Variants in ERGIC3 observed in about 807,000 individuals in gnomAD.
The protein encoded by ERGIC3 is ERGIC and golgi 3.
ERGIC3 carries 33 observed loss-of-function variants against 54.7 expected under a neutral mutation model. The ratio of observed to expected loss-of-function variants is 0.60; its 90% CI spans 0.46 to 0.81. ERGIC3 has a LOEUF of 0.81. ERGIC3 is among the 30% of genes least tolerant of loss of function. The pLI, the probability that ERGIC3 is intolerant of heterozygous loss-of-function variation, is 0.00. For missense variants in ERGIC3, 399 were observed against 488.4 expected (o/e 0.82, Z 1.73); for synonymous variants, 186 against 189.8 (o/e 0.98, Z 0.16).
intron 10 of ERGIC3, 101 bp from the exon 11 acceptor site, chr20:35,556,872 C>T (rs778299918): frequency 6.5e-7 from 1 of 1,540,964 alleles, no homozygotes; most frequent in South Asian, 1.2e-5. Context: ...CCTTACACGG[C>T]CAAGGCTCAA....
intron 7 of ERGIC3, 76 bp downstream of exon 7, chr20:35,548,941 C>T: frequency 6.5e-7 from 1 of 1,546,890 alleles, no homozygotes; most frequent in Non-Finnish European, 8.9e-7. Flanking sequence ...CCTCTTCTGC[C>T]TGCTGCTCAT....
chr20:35,550,131 C>T (rs1485553630), intron 7 of ERGIC3, among the ~76,000 whole-genome samples: 1 of 151,798 alleles, frequency 6.6e-6, no homozygotes, highest in Non-Finnish European at 1.5e-5. Context: ...CAGGGAAAAA[C>T]TCTTTGATGA....
rs1209097292 is a variant in ERGIC3, at chr20:35,548,652, A to G, written c.605A>G (p.Tyr202Cys). ...QEQKNEGCQV[Y>C]GFLEVNKVAG... Reference sequence around the variant, plus strand: ...CAGAAGAATGAAGGCTGCCAGGTGTATGGCTTCTTGGAAGTCAATAAGGTA... The same window carrying G: ...CAGAAGAATGAAGGCTGCCAGGTGTGTGGCTTCTTGGAAGTCAATAAGGTA... Residue 202 changes from tyrosine (Y) to cysteine (C), a missense_variant, in exon 6 of 13, where the codon TAT (tyrosine) becomes TGT (cysteine). Tyr to Cys is a radical substitution (Grantham distance 194, BLOSUM62 -2). Transcript: ENST00000348547. The G allele has an allele frequency of 2.5e-6, 4 of 1,614,242 alleles. No homozygotes were observed. Among genetic ancestry groups the G allele is most frequent in the South Asian group, 1.1e-5 (1 of 91,084 alleles).
rs900332449 is a variant in ERGIC3 at position 35,556,707 on chromosome 20, C to T, written c.880-266C>T. ...CGTCTTTGGAGAGCTGCTTCTCAGC[C>T]TGGACCCCCGTGAGAACACCCACCA... On this transcript the variant is annotated intron_variant, in intron 10 of 12. Transcript: ENST00000348547. 33 of 557,644 alleles carry T rather than the reference C, an allele frequency of 5.9e-5. No homozygotes were observed. The South Asian group carries it at 6.1e-4, about 10-fold the overall frequency. The allele number at this position is 557,644 out of a possible 1,614,324, so 34.5% of individuals were successfully genotyped here. A position where few individuals can be genotyped will look rare whatever the true frequency, so the allele number is the denominator to read the frequency against.
At chr20:35,556,424 C>A in intron 10 of ERGIC3, 153 bp downstream of exon 10, 1 of 813,358 alleles carries the variant, frequency 1.2e-6, no homozygotes. Flanking sequence ...GATTTGCCCT[C>A]CCAGGCAGAG....
intron 4 of ERGIC3, chr20:35,544,468 G>A: frequency 6.5e-6 from 2 of 308,520 alleles, no homozygotes; most frequent in Non-Finnish European, 6.5e-6. Flanking sequence ...ATGATGGCTG[G>A]GACATTGCTC....
intron 7 of ERGIC3, chr20:35,554,226 C>T (rs1205391649): frequency 1.9e-6 from 2 of 1,077,242 alleles, no homozygotes; most frequent in Non-Finnish European, 2.9e-6. Flanking sequence ...GAGGAGGGGC[C>T]CAGAAGGAGG....
At chr20:35,554,270 C>A in intron 7 of ERGIC3, 1 of 1,460,740 alleles carries the variant, frequency 6.8e-7, no homozygotes, top group Non-Finnish European at 9.6e-7. Context: ...GTTGCTGAGG[C>A]TGAATGTTCC....
Position 35,549,006 on chromosome 20 carries a change from G to A in ERGIC3, c.685+141G>A. 4.2e-6 allele frequency: 4 copies of A among 944,634 alleles called. No homozygotes were observed. In the East Asian group the frequency reaches 1.0e-4, roughly 24 times the overall value. 58.5% of individuals were successfully genotyped at this position (944,634 alleles called of 1,614,324 possible). On this transcript the variant is annotated intron_variant, in intron 7 of 12. Transcript: ENST00000348547. ...GGCCTTCATCTCAGGGCAGCAGTTT[G>A]GCACAGTGGCTAAGAGCACAGGCCG...
intron 7 of ERGIC3, 132 bp from the exon 8 acceptor site, chr20:35,554,912 G>A: frequency 1.8e-6 from 2 of 1,100,820 alleles, no homozygotes; most frequent in Non-Finnish European, 2.8e-6. Flanking sequence ...AGCAGGACCA[G>A]GAGGTGCCAG....
Position 35,556,109 on chromosome 20 carries a change from C to A in ERGIC3, c.794C>A (p.Thr265Asn), listed in dbSNP as rs1310007745. The part of the protein sequence containing the change: ...YPGIVNPLDH[T>N]NVTAPQASMM... ...GGCATTGTGAACCCCCTGGACCACACCAATGTCACTGCGCCCCAAGGTACC... is the reference window on the plus strand; with the variant it reads ...GGCATTGTGAACCCCCTGGACCACAACAATGTCACTGCGCCCCAAGGTACC... The change falls in exon 9 of 13, where the codon ACC becomes AAC. Residue 265 changes from threonine (T) to asparagine (N), a missense_variant. By Grantham distance (65) the Thr-to-Asn change is moderately conservative. Transcript: ENST00000348547. 1 of 1,614,200 alleles carries A rather than the reference C, an allele frequency of 6.2e-7. No homozygotes were observed. The highest frequency in any genetic ancestry group is 8.5e-7 in the Non-Finnish European group (1 of 1,180,034).
At position 35,556,105 on chromosome 20, in the gene ERGIC3, C is replaced by A; in HGVS notation, c.790C>A (p.His264Asn). ...TCCAGGCATTGTGAACCCCCTGGACCACACCAATGTCACTGCGCCCCAAGG... is the reference window on the plus strand; with the variant it reads ...TCCAGGCATTGTGAACCCCCTGGACAACACCAATGTCACTGCGCCCCAAGG... ...DYPGIVNPLD[H>N]TNVTAPQASM... is the part of the protein sequence containing the mutation. The change falls in exon 9 of 13, where the codon CAC becomes AAC. Residue 264 changes from histidine to asparagine, a missense_variant. Physicochemically the swap from His to Asn is moderately conservative, Grantham distance 68 (BLOSUM62 1). Transcript: ENST00000348547. The A allele has an allele frequency of 1.2e-6, 2 of 1,614,186 alleles. No homozygotes were observed. Among genetic ancestry groups the A allele is most frequent in the South Asian group, 2.2e-5 (2 of 91,082 alleles).
chr20:35,548,635 T>C lies in ERGIC3; in HGVS notation c.588T>C (p.Asn196=). Residue 196 remains asparagine, a synonymous_variant, in exon 6 of 13, where the codon AAT becomes AAC. Coordinates refer to ENST00000348547, the MANE Select transcript of ERGIC3 (RefSeq NM_015966.3). ...GFSQKMQEQK[N]EGCQVYGFLE... is the part of the protein sequence containing the mutation. ...GCCAGAAGATGCAGGAGCAGAAGAATGAAGGCTGCCAGGTGTATGGCTTCT... is the reference window on the plus strand; with the variant it reads ...GCCAGAAGATGCAGGAGCAGAAGAACGAAGGCTGCCAGGTGTATGGCTTCT... The C allele has an allele frequency of 6.2e-7, 1 of 1,614,200 alleles. No homozygotes were observed. The highest frequency in any genetic ancestry group is 8.5e-7 in the Non-Finnish European group (1 of 1,180,038).
At position 35,556,259 on chromosome 20, in the gene ERGIC3, G is replaced by A; in HGVS notation, c.867G>A (p.Lys289=). The change falls in exon 10 of 13, where the codon AAG becomes AAA. Residue 289 remains lysine (K), a synonymous_variant. Coordinates refer to ENST00000348547, the MANE Select transcript of ERGIC3 (RefSeq NM_015966.3). ...FVKVVPTVYM[K]VDGEVLRTNQ... is the part of the protein sequence containing the mutation. ...AGGTGGTGCCCACTGTGTACATGAA[G>A]GTGGACGGAGAGGTGAGTCAGGGAG... is the stretch of plus-strand genomic sequence containing the variant. 6.2e-7 allele frequency: 1 copy of A among 1,614,144 alleles called. No individual in the cohort carries two copies. The highest frequency in any genetic ancestry group is 8.5e-7 in the Non-Finnish European group (1 of 1,180,016).
intron 10 of ERGIC3, 156 bp downstream of exon 10, chr20:35,556,427 A>G: frequency 1.3e-6 from 1 of 779,684 alleles, no homozygotes. Context: ...TTGCCCTCCC[A>G]GGCAGAGTGC....
At chr20:35,545,875 AG>A (rs905359547) in intron 4 of ERGIC3, among the ~76,000 whole-genome samples, 7 of 152,324 alleles carry the variant, frequency 4.6e-5, no homozygotes, top group African/African-American at 1.7e-4. Context: ...TAGAATTTAG[AG>A]GAGTTATCAG....
intron 8 of ERGIC3, 140 bp from the exon 9 acceptor site, chr20:35,555,893 G>A (rs2064708579): frequency 4.2e-6 from 3 of 721,526 alleles, no homozygotes; most frequent in Non-Finnish European, 7.0e-6. Flanking sequence ...GCAGGGAATG[G>A]GGGATTCTTA....
chr20:35,553,034 T>A (rs1213779844), intron 7 of ERGIC3, among the ~76,000 whole-genome samples: 1 of 126,740 alleles, frequency 7.9e-6, no homozygotes, highest in African/African-American at 2.9e-5. Context: ...TTTTTTTTTT[T>A]TTTTTTTTTT....
intron 7 of ERGIC3, 173 bp downstream of exon 7, chr20:35,549,038 C>A: frequency 1.4e-6 from 1 of 733,270 alleles, no homozygotes. Flanking sequence ...GCCGAGGAGC[C>A]AGACTGCCTG....
Sources: allele counts gnomAD v4.1 joint callset (sites outside exome capture counted in the v4.1 genomes callset), GRCh38; gene constraint gnomAD v4.1.1; transcripts MANE v1.5; gene names NCBI Gene and HGNC (gene_info 2026-07-23, HGNC 2026-07-21).